TNS3: variants seen among roughly 807,000 people sequenced by gnomAD.
TNS3 encodes tensin 3.
A neutral mutation model predicts 140.9 loss-of-function variants in TNS3; 45 were observed. The observed-to-expected ratio is 0.32, with a 90% CI of 0.25 to 0.41. TNS3 has a LOEUF of 0.41. Among genes scored for constraint, TNS3 ranks in the 10% least tolerant of loss-of-function variants. The probability of loss-of-function intolerance (pLI) is 1.00; values close to 1 mark genes in which losing one functional copy is unlikely to be tolerated. For missense variants in TNS3, 1,716 were observed against 1,906.7 expected (o/e 0.90, Z 1.86); for synonymous variants, 815 against 788.4 (o/e 1.03, Z -0.56).
At chr7:47,480,747 C>G (rs568812808) in intron 4 of TNS3, among the ~76,000 whole-genome samples, 2 of 152,310 alleles carry the variant, frequency 1.3e-5, no homozygotes, top group South Asian at 4.1e-4. Context: ...ACCTGGCGAC[C>G]CAGGCACCCT....
At chr7:47,524,737 G>A (rs10951904) in intron 2 of TNS3, among the ~76,000 whole-genome samples, 128,565 of 143,842 alleles carry the variant, frequency 0.89, 57,759 homozygotes, top group Non-Finnish European at 0.93. Context: ...GGGAGGCGGA[G>A]CTTGCAGTGA....
intron 2 of TNS3, among the ~76,000 whole-genome samples, chr7:47,515,980 T>C (rs1245722927): frequency 6.6e-6 from 1 of 152,198 alleles, no homozygotes; most frequent in East Asian, 1.9e-4. Context: ...CACCACGCTC[T>C]GCTGCTTCCC....
At chr7:47,280,976 A>C (rs1584301293) in intron 28 of TNS3, among the ~76,000 whole-genome samples, 1 of 151,836 alleles carries the variant, frequency 6.6e-6, no homozygotes, top group East Asian at 1.9e-4. Context: ...ACAAGGAAGC[A>C]CCTCTGGCCC....
chr7:47,537,966 A>ACCCCCCCCCCCCCC (rs113842617), intron 1 of TNS3, among the ~76,000 whole-genome samples: 71 of 126,208 alleles, frequency 5.6e-4, no homozygotes, highest in Admixed American at 9.9e-4. Flanking sequence ...CCCTCACCGC[A>ACCCCCCCCCCCCCC]CCCCCCCCAC....
At chr7:47,409,275 G>T (rs776450298) in intron 13 of TNS3, among the ~76,000 whole-genome samples, 4 of 150,316 alleles carry the variant, frequency 2.7e-5, no homozygotes, top group Non-Finnish European at 4.4e-5. Context: ...GCCCCCGCCC[G>T]CCTGGTCTCA....
chr7:47,344,296 C>A (rs1789190868), intron 20 of TNS3, among the ~76,000 whole-genome samples: 1 of 152,138 alleles, frequency 6.6e-6, no homozygotes, highest in African/African-American at 2.4e-5. Context: ...CCCTGAGTTC[C>A]TGCAGAGATC....
In TNS3 at chr7:47,280,425, C is replaced by T. The variant is rs187892568; in HGVS notation, c.4098-71G>A. On this transcript the variant is annotated intron_variant, in intron 28 of 30. Coordinates refer to ENST00000311160, the MANE Select transcript of TNS3 (RefSeq NM_022748.12). ...TTTGGGTGATGGGGGATGCACTGGGCGGGCTCTCCCATACATGAAGATTCT... is the reference window on the plus strand; with the variant it reads ...TTTGGGTGATGGGGGATGCACTGGGTGGGCTCTCCCATACATGAAGATTCT... 3.3e-4 allele frequency: 446 copies of T among 1,360,720 alleles called. No individual in the cohort carries two copies. In the African/African-American group the frequency reaches 5.2e-3, roughly 16 times the overall value. 84.3% of individuals were successfully genotyped at this position (1,360,720 alleles called of 1,614,324 possible). A position where few individuals can be genotyped will look rare whatever the true frequency, so the allele number is the denominator to read the frequency against.
At chr7:47,445,282 C>T (rs1455038947) in intron 4 of TNS3, among the ~76,000 whole-genome samples, 2 of 152,118 alleles carry the variant, frequency 1.3e-5, no homozygotes, top group Non-Finnish European at 2.9e-5. Context: ...ATAGCACAAC[C>T]CTGAAGAGCA....
chr7:47,494,754 G>A (rs1006328367), intron 3 of TNS3, among the ~76,000 whole-genome samples: 8 of 152,318 alleles, frequency 5.3e-5, no homozygotes, highest in Admixed American at 3.9e-4. Flanking sequence ...CCGGGAGGCG[G>A]AGAGAGGGCG....
intron 20 of TNS3, among the ~76,000 whole-genome samples, chr7:47,327,107 G>A (rs1353601501): frequency 2.6e-5 from 4 of 152,182 alleles, no homozygotes; most frequent in Non-Finnish European, 5.9e-5. Context: ...AGCCCTGCCC[G>A]TGCTACCCCC....
intron 20 of TNS3, among the ~76,000 whole-genome samples, chr7:47,325,808 G>C (rs546903142): frequency 6.6e-6 from 1 of 152,284 alleles, no homozygotes; most frequent in Non-Finnish European, 1.5e-5. Context: ...CAGGCTTCCT[G>C]TCCTGATCCT....
chr7:47,533,123 A>ATATATATTTTTTTT (rs1186427934), intron 1 of TNS3, among the ~76,000 whole-genome samples: 1 of 88,828 alleles, frequency 1.1e-5, no homozygotes, highest in African/African-American at 6.3e-5. Context: ...ATATATATAT[A>ATATATATTTTTTTT]TTTTTTTTTT....
intron 4 of TNS3, among the ~76,000 whole-genome samples, chr7:47,469,953 A>G: frequency 6.8e-6 from 1 of 146,544 alleles, no homozygotes; most frequent in Non-Finnish European, 1.5e-5. Flanking sequence ...CAGCCTGGGC[A>G]ACAGAATGAA....
chr7:47,384,882 C>T (rs1009599704), intron 16 of TNS3, among the ~76,000 whole-genome samples: 3 of 152,226 alleles, frequency 2.0e-5, no homozygotes, highest in African/African-American at 7.2e-5. Flanking sequence ...TGCTGATGTG[C>T]ATGCCTCTGA....
intron 28 of TNS3, among the ~76,000 whole-genome samples, chr7:47,282,172 C>A (rs906889466): frequency 1.1e-4 from 17 of 151,576 alleles, no homozygotes; most frequent in African/African-American, 3.9e-4. Flanking sequence ...CCGAGCCATG[C>A]CCCTGACCCT....
In TNS3 at chr7:47,400,778, G is replaced by T; in HGVS notation, c.853+7C>A. The stretch of plus-strand genomic sequence containing the variant: ...ACAAGCACAGGGCCGCCAGCTCCGC[G>T]CCTCACCTTTGCTGGCATTGTCCAG... On this transcript the variant is annotated splice_region_variant and intron_variant, in intron 14 of 30. Coordinates refer to ENST00000311160, the MANE Select transcript of TNS3 (RefSeq NM_022748.12). 4 of 1,613,668 alleles carry T rather than the reference G, an allele frequency of 2.5e-6. No individual in the cohort carries two copies. Among genetic ancestry groups the T allele is most frequent in the Non-Finnish European group, 3.4e-6 (4 of 1,179,636 alleles).
chr7:47,293,633 C>A, intron 25 of TNS3, 100 bp downstream of exon 25: 1 of 1,002,400 alleles, frequency 1.0e-6, no homozygotes, highest in Non-Finnish European at 1.6e-6. Context: ...TATGAGTAAA[C>A]CACCATAAGA....
chr7:47,350,416 T>C (rs1789597672), intron 17 of TNS3, among the ~76,000 whole-genome samples: 1 of 152,194 alleles, frequency 6.6e-6, no homozygotes, highest in Admixed American at 6.5e-5. Context: ...GCAGAGAACC[T>C]GGTGGGGGTG....
chr7:47,430,159 G>A (rs1382262925), intron 8 of TNS3, among the ~76,000 whole-genome samples: 3 of 140,372 alleles, frequency 2.1e-5, no homozygotes, highest in Admixed American at 7.5e-5. Flanking sequence ...ACAGAGTTTC[G>A]CTCTTGTTGC....
Sources: allele counts gnomAD v4.1 joint callset (sites outside exome capture counted in the v4.1 genomes callset), GRCh38; gene constraint gnomAD v4.1.1; transcripts MANE v1.5; gene names NCBI Gene and HGNC (gene_info 2026-07-23, HGNC 2026-07-21).